The following ADAM32 variants were observed in gnomAD, a reference collection of about 807,000 sequenced individuals.
ADAM32 encodes the protein disintegrin and metalloproteinase domain-containing protein 32.
A neutral mutation model predicts 114.9 loss-of-function variants in ADAM32; 89 were observed. That is an observed-to-expected ratio of 0.77 (90% CI 0.65 to 0.92). The LOEUF is 0.92. Ranked by LOEUF, ADAM32 falls within the 40% of genes least tolerant of loss-of-function variation. The pLI is 0.00. For missense variants in ADAM32, 870 were observed against 932.8 expected (o/e 0.93, Z 0.88); for synonymous variants, 285 against 307.5 (o/e 0.93, Z 0.77).
intron 16 of ADAM32, among the ~76,000 whole-genome samples, chr8:39,239,868 GGAAA>G (rs1310249011): frequency 2.0e-5 from 3 of 152,008 alleles, no homozygotes; most frequent in African/African-American, 7.2e-5. Context: ...TAGTCCAATA[GGAAA>G]AAAATCACAA....
chr8:39,283,279 G>T (rs927561592), intron 23 of ADAM32, among the ~76,000 whole-genome samples: 9 of 151,844 alleles, frequency 5.9e-5, no homozygotes, highest in Non-Finnish European at 8.8e-5. Context: ...GCATGTTGGT[G>T]TATGCTTGTA....
intron 1 of ADAM32, among the ~76,000 whole-genome samples, chr8:39,108,471 A>G (rs79513533): frequency 0.085 from 12,874 of 152,096 alleles, 866 homozygotes; most frequent in African/African-American, 0.19. Context: ...GTGGGAGCTG[A>G]CTAATATAGT....
intron 12 of ADAM32, chr8:39,221,124 C>A (rs1463724343): frequency 6.6e-6 from 1 of 152,304 alleles, no homozygotes; most frequent in East Asian, 1.9e-4. Context: ...TTATTATATT[C>A]TCTTGCTAAA....
chr8:39,158,452 C>T, intron 6 of ADAM32: 1 of 222,012 alleles, frequency 4.5e-6, no homozygotes, highest in Non-Finnish European at 8.9e-6. Flanking sequence ...CTACTACCAC[C>T]ATGGGCAGTG....
rs148999425 is a variant in ADAM32 at position 39,231,925 on chromosome 8, T to G, written c.1526-102T>G. ...AACCTCACTAGGAAAAATGTTTCAA[T>G]TAGATATTAATGGAGAGATAAAGGG... On this transcript the variant is annotated intron_variant, in intron 14 of 24. Transcript: ENST00000379907. 4.6e-4 allele frequency: 434 copies of G among 951,060 alleles called. 3 individuals carry two copies. The highest frequency in any genetic ancestry group is 2.2e-5 in the Non-Finnish European group (14 of 624,234). The allele number at this position is 951,060 out of a possible 1,614,324, so 58.9% of individuals were successfully genotyped here. A position where few individuals can be genotyped will look rare whatever the true frequency, so the allele number is the denominator to read the frequency against.
chr8:39,265,650 A>T (rs1321305823), intron 19 of ADAM32, among the ~76,000 whole-genome samples: 1 of 151,888 alleles, frequency 6.6e-6, no homozygotes, highest in African/African-American at 2.4e-5. Context: ...AGTAGATTTG[A>T]TTATATATTT....
In ADAM32 at chr8:39,202,209, CTTTT is replaced by C. The variant is rs1334577188; in HGVS notation, c.1053-8933_1053-8930del. ...ATAGTTTCAGAAGGAAGGATACCAGCTTTTTCTTGTACCTCTGGTAGAATTTGGC... is the reference window on the plus strand; with the variant it reads ...ATAGTTTCAGAAGGAAGGATACCAGCTCTTGTACCTCTGGTAGAATTTGGC... On this transcript the variant is annotated intron_variant, in intron 11 of 24. Coordinates refer to ENST00000379907, the MANE Select transcript of ADAM32 (RefSeq NM_145004.7). Among the ~76,000 whole-genome samples the C allele has an allele frequency of 1.3e-5, 2 of 152,130 alleles. 1 individual carries two copies. The highest frequency in any genetic ancestry group is 2.9e-5 in the Non-Finnish European group (2 of 68,008).
intron 11 of ADAM32, among the ~76,000 whole-genome samples, chr8:39,199,837 G>T (rs912366404): frequency 7.0e-6 from 1 of 142,430 alleles, no homozygotes; most frequent in African/African-American, 2.6e-5. Flanking sequence ...TGTTCTCACT[G>T]TTCAATTCCC....
intron 1 of ADAM32, among the ~76,000 whole-genome samples, chr8:39,112,694 C>T (rs1248145968): frequency 1.3e-5 from 2 of 152,296 alleles, no homozygotes; most frequent in East Asian, 3.9e-4. Context: ...GTTAAACTAT[C>T]ACCACCCCCT....
rs143771015 is a variant in ADAM32 at position 39,267,743 on chromosome 8, C to T, written c.2163-3133C>T. ...TGCTACTGTGTCATGCCTCCATTGG[C>T]TGGAGTTGGACTGCACAATCTAAGC... On this transcript the variant is annotated intron_variant, in intron 19 of 24. Transcript: ENST00000379907. 1.8e-3 allele frequency among the ~76,000 whole-genome samples: 276 copies of T among 152,294 alleles called. 1 individual carries two copies. The highest frequency in any genetic ancestry group is 6.4e-3 in the African/African-American group (267 of 41,560).
At chr8:39,126,933 G>T (rs1222385067) in intron 2 of ADAM32, among the ~76,000 whole-genome samples, 1 of 152,130 alleles carries the variant, frequency 6.6e-6, no homozygotes, top group Non-Finnish European at 1.5e-5. Flanking sequence ...TAATCATGTG[G>T]TTTTTGTCTT....
chr8:39,128,984 T>G (rs554533595), intron 2 of ADAM32, among the ~76,000 whole-genome samples: 8 of 152,308 alleles, frequency 5.3e-5, no homozygotes, highest in Admixed American at 3.9e-4. Flanking sequence ...TTCATGCTAT[T>G]GTGAACTGAA....
At chr8:39,272,101 G>GAAAAAAACAA (rs1812769624) in intron 20 of ADAM32, among the ~76,000 whole-genome samples, 1 of 65,810 alleles carries the variant, frequency 1.5e-5, no homozygotes, top group Non-Finnish European at 2.9e-5. Context: ...GTGAGCTCCA[G>GAAAAAAACAA]AAAAAAAAAA....
intron 14 of ADAM32, among the ~76,000 whole-genome samples, chr8:39,229,055 G>A (rs2129449155): frequency 6.6e-6 from 1 of 152,254 alleles, no homozygotes; most frequent in Middle Eastern, 3.4e-3. Context: ...ACAATTATCA[G>A]CCAAGAATTT....
At chr8:39,274,452 T>C in intron 21 of ADAM32, 102 bp downstream of exon 21, 1 of 1,316,552 alleles carries the variant, frequency 7.6e-7, no homozygotes, top group Non-Finnish European at 1.1e-6. Context: ...TGTCAATTGG[T>C]AAAGCAATGC....
chr8:39,241,165 C>T (rs989078780), intron 16 of ADAM32, among the ~76,000 whole-genome samples: 1 of 152,234 alleles, frequency 6.6e-6, no homozygotes, highest in African/African-American at 2.4e-5. Flanking sequence ...CCATGTCTCA[C>T]ATCCAGGTCA....
chr8:39,186,983 A>G lies in ADAM32; in HGVS notation c.990A>G (p.Ser330=). The G allele has an allele frequency of 1.2e-6, 2 of 1,613,302 alleles. No homozygotes were observed. The highest frequency in any genetic ancestry group is 1.7e-6 in the Non-Finnish European group (2 of 1,179,448). The change falls in exon 11 of 25, where the codon TCA becomes TCG. Residue 330 remains serine (S), a synonymous_variant. Transcript: ENST00000379907. ...TQMLALSLGI[S]YDDPKKCQCS... ...TGCTGGCACTCAGTCTGGGAATATC[A>G]TATGACGACCCAAAGAAATGTCAAT...
intron 10 of ADAM32, among the ~76,000 whole-genome samples, chr8:39,180,326 C>T (rs7836342): frequency 0.085 from 12,920 of 152,282 alleles, 1,863 homozygotes; most frequent in African/African-American, 0.29. Context: ...TGCTCGATTT[C>T]TCGCCGGGCC....
chr8:39,166,866 C>A (rs1804872904), intron 9 of ADAM32: 1 of 152,034 alleles, frequency 6.6e-6, no homozygotes, highest in Admixed American at 6.6e-5. Context: ...TGTCCTTAGC[C>A]CACTTTTTGA....
Sources: allele counts gnomAD v4.1 joint callset (sites outside exome capture counted in the v4.1 genomes callset), GRCh38; gene constraint gnomAD v4.1.1; transcripts MANE v1.5; gene names NCBI Gene and HGNC (gene_info 2026-07-23, HGNC 2026-07-21).